CDC25B: variants seen among roughly 807,000 people sequenced by gnomAD.
CDC25B encodes M-phase inducer phosphatase 2.
CDC25B carries 33 observed loss-of-function variants against 69.8 expected under a neutral mutation model. That is an observed-to-expected ratio of 0.47 (90% CI 0.36 to 0.63). CDC25B has a LOEUF of 0.63. CDC25B is among the 30% of genes least tolerant of loss of function. The pLI is 0.00. For synonymous variants in CDC25B, 341 were observed against 314.6 expected, an observed-to-expected ratio of 1.08 and a Z score of -0.89; for missense variants, 727 against 809.1, an observed-to-expected ratio of 0.90 and a Z score of 1.23.
chr20:3,796,760 G>T, intron 1 of CDC25B, 29 bp downstream of exon 1: 1 of 1,540,464 alleles, frequency 6.5e-7, no homozygotes, highest in South Asian at 1.2e-5. Flanking sequence ...GCTGCATATG[G>T]GGGTGAGAGG....
chr20:3,797,556 G>A (rs1245251398), intron 1 of CDC25B, 66 bp from the exon 2 acceptor site: 1 of 1,588,836 alleles, frequency 6.3e-7, no homozygotes, highest in African/African-American at 1.3e-5. Context: ...GTGGGAACGT[G>A]GGCTAGCCAG....
At chr20:3,795,050 G>C (rs1324896301), upstream of CDC25B, among the ~76,000 whole-genome samples, 1 of 152,170 alleles carries the variant, frequency 6.6e-6, no homozygotes, top group Non-Finnish European at 1.5e-5. Context: ...AACGAGCGGG[G>C]CTGGAAGGCA....
chr20:3,798,675 C>T (rs1368354112), intron 3 of CDC25B, among the ~76,000 whole-genome samples: 1 of 152,124 alleles, frequency 6.6e-6, no homozygotes, highest in Non-Finnish European at 1.5e-5. Context: ...GGGAGCCAAC[C>T]GAGTGTGGGC....
chr20:3,798,533 A>G, intron 3 of CDC25B, 70 bp downstream of exon 3: 1 of 1,286,854 alleles, frequency 7.8e-7, no homozygotes, highest in Non-Finnish European at 1.1e-6. Context: ...GTTCTACCAT[A>G]AATTCACCCG....
At chr20:3,795,372 CAA>C (rs758801099), upstream of CDC25B, among the ~76,000 whole-genome samples, 24 of 91,302 alleles carry the variant, frequency 2.6e-4, no homozygotes, top group East Asian at 3.4e-3. Flanking sequence ...AAAAACAAAA[CAA>C]AACAAAAAGA....
At chr20:3,789,667 G>A (rs890684171) in intron 1 of CDC25B, among the ~76,000 whole-genome samples, 2 of 112,586 alleles carry the variant, frequency 1.8e-5, no homozygotes, top group Admixed American at 9.1e-5. Context: ...CACCTCACCC[G>A]GCCAAAAAAT....
chr20:3,790,417 C>T (rs185490669), intron 1 of CDC25B, among the ~76,000 whole-genome samples: 2,118 of 129,628 alleles, frequency 0.016, 69 homozygotes, highest in African/African-American at 0.058. Flanking sequence ...CTCACTCTGT[C>T]GCCCAGGCTG....
At position 3,802,916 on chromosome 20, in the gene CDC25B, C is replaced by T; in HGVS notation, c.1201C>T (p.Leu401Phe). ...TCCCTTCCGTTCCCTTCAGGCCTTC[C>T]TCCTACAGACAGTAGACGGAAAGCA... Reference protein sequence around the residue: ...ELIGDYSKAFLLQTVDGKHQD... With the variant: ...ELIGDYSKAFFLQTVDGKHQD... The change falls in exon 12 of 16, where the codon CTC becomes TTC. Residue 401 changes from leucine to phenylalanine, a missense_variant. Around this residue, in one of 2 missense-constraint regions of CDC25B, gnomAD observed 359 missense variants for 463.4 expected, o/e 0.77. Coordinates refer to ENST00000245960, the MANE Select transcript of CDC25B (RefSeq NM_021873.4). 1.9e-6 allele frequency: 3 copies of T among 1,613,686 alleles called. No homozygotes were observed. The highest frequency in any genetic ancestry group is 2.5e-6 in the Non-Finnish European group (3 of 1,179,570).
chr20:3,798,992 GGAGA>G (rs1383671905), intron 3 of CDC25B, among the ~76,000 whole-genome samples: 1 of 152,170 alleles, frequency 6.6e-6, no homozygotes, highest in Non-Finnish European at 1.5e-5. Flanking sequence ...GCAAGGGAAT[GGAGA>G]GAGAGTTGGT....
At chr20:3,800,718 C>T in intron 5 of CDC25B, 25 bp from the exon 6 acceptor site, 1 of 1,402,072 alleles carries the variant, frequency 7.1e-7, no homozygotes, top group Non-Finnish European at 1.0e-6. Flanking sequence ...CATTCCTCTG[C>T]CTGCCGCCCT....
chr20:3,801,652 G>T (rs979482086), intron 8 of CDC25B, 70 bp from the exon 9 acceptor site: 6 of 1,304,122 alleles, frequency 4.6e-6, no homozygotes, highest in Non-Finnish European at 5.3e-6. Flanking sequence ...TGTGCTGGAG[G>T]ATTCCGGGAC....
chr20:3,793,443 C>T (rs1026620829), upstream of CDC25B, among the ~76,000 whole-genome samples: 5 of 151,578 alleles, frequency 3.3e-5, no homozygotes, highest in South Asian at 8.3e-4. Flanking sequence ...GGCGACAGGG[C>T]GAGACTCCAT....
intron 3 of CDC25B, among the ~76,000 whole-genome samples, chr20:3,799,534 G>GCGCGCGCGCGCT (rs1187727448): frequency 6.2e-4 from 93 of 150,982 alleles, no homozygotes; most frequent in African/African-American, 2.0e-3. Flanking sequence ...GTGCGCGCGC[G>GCGCGCGCGCGCT]CGCGTAGATG....
rs768823254 is a variant in CDC25B at position 3,803,176 on chromosome 20, C to T, written c.1326C>T (p.Tyr442=). ...AGTTTGTGATTGTAGACTGCAGATA[C>T]CCCTATGAATATGAAGGCGGGCACA... is the stretch of plus-strand genomic sequence containing the variant. ...VDKFVIVDCR[Y]PYEYEGGHIK... Residue 442 remains tyrosine (Y), a synonymous_variant, in exon 13 of 16, where the codon TAC becomes TAT. Transcript: ENST00000245960. The surrounding 1 kb of genome is among the most constrained non-coding windows in gnomAD (Gnocchi z 4.9). The T allele has an allele frequency of 7.4e-6, 12 of 1,613,780 alleles. No individual in the cohort carries two copies. The highest frequency in any genetic ancestry group is 3.3e-5 in the Admixed American group (2 of 59,988).
At chr20:3,802,461 C>T (rs1056087176) in intron 11 of CDC25B, 85 bp downstream of exon 11, 4 of 866,322 alleles carry the variant, frequency 4.6e-6, no homozygotes, top group Non-Finnish European at 7.5e-6. Context: ...GCTTGGGTTC[C>T]TCCCTTTCTC....
intron 7 of CDC25B, 42 bp downstream of exon 7, chr20:3,801,135 C>T (rs200407999): frequency 9.8e-5 from 157 of 1,610,212 alleles, no homozygotes; most frequent in Non-Finnish European, 1.3e-4. Context: ...CCTGGGGAGG[C>T]AGCCTCGGAG....
chr20:3,789,728 G>A (rs1027110153), intron 1 of CDC25B, among the ~76,000 whole-genome samples: 9 of 152,258 alleles, frequency 5.9e-5, no homozygotes, highest in African/African-American at 1.7e-4. Flanking sequence ...GGTGGCTCAT[G>A]CCTGTAATCC....
Position 3,804,977 on chromosome 20 carries a change from C to A in CDC25B, c.*16C>A, listed in dbSNP as rs1383272901. On this transcript the variant is annotated 3_prime_UTR_variant, in exon 16 of 16. Coordinates refer to ENST00000245960, the MANE Select transcript of CDC25B (RefSeq NM_021873.4). ...GGACCAGTGAGGGGCCTGCGCCAGT[C>A]CTGCTACCTCCCTTGCCTTTCGAGG... 4 of 1,607,778 alleles carry A rather than the reference C, an allele frequency of 2.5e-6. No homozygotes were observed. Among genetic ancestry groups the A allele is most frequent in the South Asian group, 1.1e-5 (1 of 90,950 alleles).
Position 3,796,614 on chromosome 20 carries a change from A to C in CDC25B, c.83A>C (p.His28Pro). Residue 28 changes from histidine to proline, a missense_variant, in exon 1 of 16, where the codon CAC becomes CCC. Around this residue, in one of 2 missense-constraint regions of CDC25B, gnomAD observed 368 missense variants for 345.6 expected, o/e 1.06. Transcript: ENST00000245960. ...TGCGGTGGCGCCCAGCGTCCGGGCC[A>C]CCTCCCGGGCCTCCTGCTGGGATCT... is the stretch of plus-strand genomic sequence containing the variant. ...GVCGGAQRPG[H>P]LPGLLLGSHG... 1 of 1,441,832 alleles carries C rather than the reference A, an allele frequency of 6.9e-7. No homozygotes were observed. The highest frequency in any genetic ancestry group is 9.1e-7 in the Non-Finnish European group (1 of 1,101,908). 89.3% of individuals were successfully genotyped at this position (1,441,832 alleles called of 1,614,324 possible). A position where few individuals can be genotyped will look rare whatever the true frequency, so the allele number is the denominator to read the frequency against.
Sources: gnomAD v4.1 joint callset for allele counts (sites outside exome capture counted in the v4.1 genomes callset) on GRCh38, gnomAD v4.1.1 for gene constraint, gnomAD v4.1.1 regional missense constraint, Gnocchi (gnomAD v3.1) non-coding constraint, MANE v1.5 for transcripts, NCBI Gene and HGNC (gene_info 2026-07-23, HGNC 2026-07-21) for gene names.